The following DUOX1 variants were observed in gnomAD, a reference collection of about 807,000 sequenced individuals.
The protein encoded by DUOX1 is dual oxidase 1.
In DUOX1, 134 loss-of-function variants were observed where a neutral mutation model predicts 181.8. The observed-to-expected ratio is 0.74, with a 90% CI of 0.64 to 0.85. The LOEUF is 0.85. DUOX1 is among the 40% of genes least tolerant of loss of function. The pLI is 0.00. For synonymous variants in DUOX1, 798 were observed against 832.5 expected (o/e 0.96, Z 0.71); for missense variants, 1,814 against 2,064.4 (o/e 0.88, Z 2.35).
chr15:45,138,094 G>GTGTT, intron 10 of DUOX1, 80 bp downstream of exon 10: 1 of 1,041,658 alleles, frequency 9.6e-7, no homozygotes, highest in East Asian at 2.9e-5. Flanking sequence ...GTGTGTGTGT[G>GTGTT]TGTGTGTGTG....
At chr15:45,132,756 C>G (rs1006049200) in intron 2 of DUOX1, among the ~76,000 whole-genome samples, 3 of 152,216 alleles carry the variant, frequency 2.0e-5, no homozygotes, top group Admixed American at 2.0e-4. Context: ...TCTTCTTTCC[C>G]TAGCTTTGGA....
intron 10 of DUOX1, among the ~76,000 whole-genome samples, chr15:45,138,479 T>C (rs534123407): frequency 6.6e-6 from 1 of 152,266 alleles, no homozygotes; most frequent in African/African-American, 2.4e-5. Context: ...AAGCAGGGGT[T>C]CCTAGAGATT....
Position 45,153,407 on chromosome 15 carries a change from A to C in DUOX1, c.3452A>C (p.Asn1151Thr), listed in dbSNP as rs1382898419. The change falls in exon 26 of 34, where the codon AAT (asparagine) becomes ACT (threonine). Residue 1151 changes from asparagine to threonine, a missense_variant. Coordinates refer to ENST00000389037, the MANE Select transcript of DUOX1 (RefSeq NM_175940.3). ...TTACACAGTGTGGGCCATGTGGTGA[A>C]TGTGTACCTGTTCTCCATCAGCCCC... is the stretch of plus-strand genomic sequence containing the variant. ...TVLHSVGHVVNVYLFSISPLS... is the reference protein window; with the variant it reads ...TVLHSVGHVVTVYLFSISPLS... 6.2e-7 allele frequency: 1 copy of C among 1,613,094 alleles called. No homozygotes were observed. The highest frequency in any genetic ancestry group is 8.5e-7 in the Non-Finnish European group (1 of 1,179,780).
intron 29 of DUOX1, among the ~76,000 whole-genome samples, chr15:45,161,455 A>G (rs1380993738): frequency 9.4e-3 from 796 of 84,400 alleles, no homozygotes; most frequent in Admixed American, 0.011. Context: ...GGAGGGAGGG[A>G]GGGAGGGAGG....
At chr15:45,162,419 T>C (rs772614185) in intron 31 of DUOX1, 42 bp downstream of exon 31, 3 of 1,595,312 alleles carry the variant, frequency 1.9e-6, no homozygotes, top group Non-Finnish European at 2.6e-6. Context: ...TGGCCCCTTC[T>C]TCCTTGTCAT....
In DUOX1 at chr15:45,151,946, G is replaced by C. The variant is rs145954966; in HGVS notation, c.3087G>C (p.Gln1029His). 446 of 1,613,982 alleles carry C rather than the reference G, an allele frequency of 2.8e-4. 1 individual carries two copies. Among genetic ancestry groups the C allele is most frequent in the Middle Eastern group, 2.6e-3 (16 of 6,062 alleles). The change falls in exon 24 of 34, where the codon CAG becomes CAC. Residue 1029 changes from glutamine to histidine, a missense_variant. By Grantham distance (24) the Gln-to-His change is conservative. Around this residue, in one of 5 missense-constraint regions of DUOX1, gnomAD observed 1,064 missense variants for 1,152.9 expected, o/e 0.92. Coordinates refer to ENST00000389037, the MANE Select transcript of DUOX1 (RefSeq NM_175940.3). ...AGTTCCAACGCAGCTGTCTCCACCA[G>C]ACGGTGCAACAGTTCAAGCGCTTCA... ...REKFQRSCLH[Q>H]TVQQFKRFIE... is the part of the protein sequence containing the mutation.
chr15:45,136,646 T>C, intron 9 of DUOX1, 21 bp downstream of exon 9: 1 of 1,611,990 alleles, frequency 6.2e-7, no homozygotes, highest in Non-Finnish European at 8.5e-7. Context: ...GGCTCAAAGG[T>C]GTGTGTGCTG....
intron 25 of DUOX1, 69 bp from the exon 26 acceptor site, chr15:45,153,311 C>A: frequency 1.6e-6 from 2 of 1,231,268 alleles, no homozygotes; most frequent in Non-Finnish European, 2.4e-6. Context: ...GGTCCTCGAT[C>A]TTGGGCTGAA....
In DUOX1 at chr15:45,136,061, C is replaced by T; in HGVS notation, c.864+113C>T. On this transcript the variant is annotated intron_variant, in intron 7 of 33. Transcript: ENST00000389037. ...ACAACCGCCACCCAGAAACCCCTCC[C>T]CAGACAGCCGAGGTCCAGGGAAGCC... 3.3e-6 allele frequency: 5 copies of T among 1,514,366 alleles called. No homozygotes were observed. The South Asian group carries it at 6.1e-5, about 18-fold the overall frequency. 93.8% of individuals were successfully genotyped at this position (1,514,366 alleles called of 1,614,324 possible).
rs200963983 is a variant in DUOX1, at chr15:45,152,000, C to G, written c.3141C>G (p.Cys1047Trp). 1.2e-6 allele frequency: 2 copies of G among 1,614,144 alleles called. No individual in the cohort carries two copies. Among genetic ancestry groups the G allele is most frequent in the Admixed American group, 3.3e-5 (2 of 60,026 alleles). Residue 1047 changes from cysteine to tryptophan, a missense_variant, in exon 24 of 34, where the codon TGC becomes TGG. Cys to Trp is a radical substitution (Grantham distance 215). Transcript: ENST00000389037. ...FIENYRRHIG[C>W]VAVFYAIAGG... is the part of the protein sequence containing the mutation. ...AGAACTACCGGCGCCACATCGGCTGCGTGGCCGTGTTCTACGCCATCGCTG... is the reference window on the plus strand; with the variant it reads ...AGAACTACCGGCGCCACATCGGCTGGGTGGCCGTGTTCTACGCCATCGCTG...
chr15:45,158,485 G>A (rs1897016760), intron 28 of DUOX1, among the ~76,000 whole-genome samples: 1 of 151,820 alleles, frequency 6.6e-6, no homozygotes. Flanking sequence ...GAGGCGGGTG[G>A]ATTACCTGAG....
chr15:45,136,630 G>A lies in DUOX1; in HGVS notation c.1022+5G>A. 6.2e-7 allele frequency: 1 copy of A among 1,613,972 alleles called. No individual in the cohort carries two copies. The highest frequency in any genetic ancestry group is 8.5e-7 in the Non-Finnish European group (1 of 1,179,954). On this transcript the variant is annotated splice_donor_5th_base_variant and intron_variant, in intron 9 of 33. Transcript: ENST00000389037. Reference sequence around the variant, plus strand: ...GCCCCCTGGCGTCTACATGAGGTGAGGGAGGGGCTCAAAGGTGTGTGTGCT... The same window carrying A: ...GCCCCCTGGCGTCTACATGAGGTGAAGGAGGGGCTCAAAGGTGTGTGTGCT...
chr15:45,163,933 T>C lies in DUOX1; in HGVS notation c.4533+15T>C. 3.4e-5 allele frequency: 55 copies of C among 1,612,448 alleles called. No homozygotes were observed. The highest frequency in any genetic ancestry group is 4.7e-5 in the Non-Finnish European group (55 of 1,178,924). On this transcript the variant is annotated intron_variant, in intron 33 of 33. Coordinates refer to ENST00000389037, the MANE Select transcript of DUOX1 (RefSeq NM_175940.3). ...TCCACCCCCAGGTCAGTCCAACCCA[T>C]AACCAGGTTCTCTTCCTCTTTATCA...
At chr15:45,152,172 A>G in intron 24 of DUOX1, 114 bp from the exon 25 acceptor site, 1 of 1,475,416 alleles carries the variant, frequency 6.8e-7, no homozygotes, top group Non-Finnish European at 9.2e-7. Flanking sequence ...GTCTGAGTGA[A>G]GACTGTGCGG....
Position 45,136,420 on chromosome 15 carries a change from C to A in DUOX1, c.925+10C>A. 2 of 1,612,718 alleles carry A rather than the reference C, an allele frequency of 1.2e-6. No homozygotes were observed. Among genetic ancestry groups the A allele is most frequent in the Non-Finnish European group, 1.7e-6 (2 of 1,179,176 alleles). On this transcript the variant is annotated intron_variant, in intron 8 of 33. Transcript: ENST00000389037. ...CTCCCGGAGTATACAGGTGAGGGAG[C>A]GGGGAAGGAGGATGGGAGGGCTTGC... is the stretch of plus-strand genomic sequence containing the variant.
chr15:45,151,999 G>A lies in DUOX1; in HGVS notation c.3140G>A (p.Cys1047Tyr). Residue 1047 changes from cysteine to tyrosine, a missense_variant, in exon 24 of 34, where the codon TGC (cysteine) becomes TAC (tyrosine). By Grantham distance (194) the Cys-to-Tyr change is radical (BLOSUM62 -2). Transcript: ENST00000389037. ...GAGAACTACCGGCGCCACATCGGCT[G>A]CGTGGCCGTGTTCTACGCCATCGCT... ...FIENYRRHIG[C>Y]VAVFYAIAGG... 1 of 1,614,160 alleles carries A rather than the reference G, an allele frequency of 6.2e-7. No homozygotes were observed. The highest frequency in any genetic ancestry group is 1.3e-5 in the African/African-American group (1 of 75,064).
intron 5 of DUOX1, 75 bp downstream of exon 5, chr15:45,135,366 T>A: frequency 6.7e-7 from 1 of 1,501,808 alleles, no homozygotes; most frequent in African/African-American, 1.4e-5. Flanking sequence ...TGGCAGGGCC[T>A]GGAGGGGAGA....
In DUOX1 at chr15:45,161,940, G is replaced by A. The variant is rs374017592; in HGVS notation, c.4059G>A (p.Pro1353=). 1.9e-4 allele frequency: 306 copies of A among 1,613,606 alleles called. 2 individuals are homozygous for A. The South Asian group carries it at 2.5e-3, about 13-fold the overall frequency. ...GCCTCAGGGAGATCTACTCAGCCCCGACGGGTGACAGATGTGCCAGATACC... is the reference window on the plus strand; with the variant it reads ...GCCTCAGGGAGATCTACTCAGCCCCAACGGGTGACAGATGTGCCAGATACC... ...TTRLREIYSA[P]TGDRCARYPK... Residue 1353 remains proline (P), a synonymous_variant, in exon 30 of 34, where the codon CCG becomes CCA. Transcript: ENST00000389037.
chr15:45,135,706 TG>T, intron 6 of DUOX1, 31 bp downstream of exon 6: 1 of 1,443,070 alleles, frequency 6.9e-7, no homozygotes, highest in Non-Finnish European at 9.1e-7. Context: ...CGGGGCCGGC[TG>T]GGGGTCTGCG....
Sources: gnomAD v4.1 joint callset for allele counts (sites outside exome capture counted in the v4.1 genomes callset) on GRCh38, gnomAD v4.1.1 for gene constraint, gnomAD v4.1.1 regional missense constraint, MANE v1.5 for transcripts, NCBI Gene and HGNC (gene_info 2026-07-23, HGNC 2026-07-21) for gene names.